SPATS1: variants seen among roughly 807,000 people sequenced by gnomAD.
SPATS1 encodes spermatogenesis associated serine rich 1, also known as spermatogenesis-associated serine-rich protein 1.
SPATS1 carries 23 observed loss-of-function variants against 33.6 expected under a neutral mutation model. That is an observed-to-expected ratio of 0.68 (90% confidence interval 0.49 to 0.97). SPATS1 has a LOEUF of 0.97. Ranked by LOEUF, SPATS1 falls within the 50% of genes least tolerant of loss-of-function variation. The probability of loss-of-function intolerance (pLI) is 0.00; values close to 1 mark genes in which losing one functional copy is unlikely to be tolerated. For synonymous variants in SPATS1, 131 were observed against 125.6 expected, an observed-to-expected ratio of 1.04 and a Z score of -0.29; for missense variants, 327 against 361.0, an observed-to-expected ratio of 0.91 and a Z score of 0.76.
chr6:44,342,796 C>CG, intron 1 of SPATS1, 28 bp downstream of exon 1: 1 of 634,598 alleles, frequency 1.6e-6, no homozygotes, highest in Non-Finnish European at 2.7e-6. Context: ...AGCACAGACC[C>CG]GGGCCTCCCC....
chr6:44,352,440 C>T (rs1316598671), intron 2 of SPATS1, among the ~76,000 whole-genome samples: 6 of 151,986 alleles, frequency 3.9e-5, no homozygotes, highest in East Asian at 3.9e-4. Flanking sequence ...GCCACCACGC[C>T]GGGCCTAGAT....
intron 3 of SPATS1, among the ~76,000 whole-genome samples, chr6:44,354,181 A>C (rs1788423863): frequency 6.6e-6 from 1 of 151,996 alleles, no homozygotes. Context: ...AAAAAATACA[A>C]AAATTAGCCG....
At chr6:44,373,754 G>T (rs962232711) in intron 7 of SPATS1, among the ~76,000 whole-genome samples, 14 of 152,318 alleles carry the variant, frequency 9.2e-5, no homozygotes, top group Admixed American at 2.0e-4. Flanking sequence ...AGGGAGGTAA[G>T]ATTACTTATT....
intron 7 of SPATS1, among the ~76,000 whole-genome samples, chr6:44,375,182 G>C (rs1184056256): frequency 6.6e-6 from 1 of 152,198 alleles, no homozygotes; most frequent in African/African-American, 2.4e-5. Flanking sequence ...AGCACACTCA[G>C]CTGGGATTCT....
At chr6:44,363,960 T>C (rs1561958628) in intron 5 of SPATS1, among the ~76,000 whole-genome samples, 1 of 152,202 alleles carries the variant, frequency 6.6e-6, no homozygotes, top group Non-Finnish European at 1.5e-5. Flanking sequence ...CCAACTCCAG[T>C]GGTAACCCAT....
intron 3 of SPATS1, 147 bp downstream of exon 3, chr6:44,353,020 G>A (rs574786424): frequency 2.3e-5 from 19 of 810,324 alleles, no homozygotes; most frequent in Non-Finnish European, 3.5e-5. Flanking sequence ...CTGCCACTTA[G>A]TATCTGTGTG....
chr6:44,343,608 C>T, intron 2 of SPATS1: 1 of 419,356 alleles, frequency 2.4e-6, no homozygotes, highest in Non-Finnish European at 4.7e-6. Flanking sequence ...GAGCCTGTGT[C>T]CTTTCATCTT....
At chr6:44,346,066 A>G (rs1787861353) in intron 2 of SPATS1, among the ~76,000 whole-genome samples, 3 of 152,098 alleles carry the variant, frequency 2.0e-5, no homozygotes, top group Admixed American at 2.0e-4. Context: ...GGATCACTTG[A>G]GCTCAGGAGT....
rs1245624348 is a variant in SPATS1 at position 44,361,705 on chromosome 6, G to A, written c.413-126G>A. The A allele has an allele frequency of 2.2e-6, 3 of 1,342,722 alleles. No homozygotes were observed. In the African/African-American group the frequency reaches 4.3e-5, roughly 19 times the overall value. 83.2% of individuals were successfully genotyped at this position (1,342,722 alleles called of 1,614,324 possible). A position where few individuals can be genotyped will look rare whatever the true frequency, so the allele number is the denominator to read the frequency against. ...CACTGTCTCTGATGTAGAACCAAGG[G>A]ATTATACACATTAATTAAAGTTATA... On this transcript the variant is annotated intron_variant, in intron 4 of 8. Coordinates refer to ENST00000674044, the MANE Select transcript of SPATS1 (RefSeq NM_001372081.1).
intron 5 of SPATS1, among the ~76,000 whole-genome samples, chr6:44,363,310 G>A (rs1583088677): frequency 6.6e-6 from 1 of 151,824 alleles, no homozygotes; most frequent in African/African-American, 2.4e-5. Flanking sequence ...ATGCCCGGCT[G>A]ATTTTTCTAT....
chr6:44,354,081 G>A (rs1788417820), intron 3 of SPATS1, among the ~76,000 whole-genome samples: 1 of 149,632 alleles, frequency 6.7e-6, no homozygotes. Context: ...GCTGGGCATG[G>A]TGGCTCACAC....
intron 2 of SPATS1, among the ~76,000 whole-genome samples, chr6:44,349,266 T>G (rs781248348): frequency 8.8e-6 from 1 of 114,240 alleles, no homozygotes; most frequent in Non-Finnish European, 1.6e-5. Flanking sequence ...GCCATTGCAC[T>G]CCAGCCTGGG....
chr6:44,354,334 A>AAAATAAATAAAT (rs747479012), intron 3 of SPATS1, among the ~76,000 whole-genome samples: 2 of 110,352 alleles, frequency 1.8e-5, no homozygotes, highest in East Asian at 2.6e-4. Flanking sequence ...AACTTGTGTC[A>AAAATAAATAAAT]AAATAAATAA....
At chr6:44,347,627 A>G (rs1025568823) in intron 2 of SPATS1, among the ~76,000 whole-genome samples, 3 of 152,132 alleles carry the variant, frequency 2.0e-5, no homozygotes, top group African/African-American at 7.2e-5. Context: ...TTTTACATTC[A>G]AATCTGTGAG....
chr6:44,365,311 G>A (rs1789177870), intron 5 of SPATS1, among the ~76,000 whole-genome samples: 1 of 152,220 alleles, frequency 6.6e-6, no homozygotes, highest in African/African-American at 2.4e-5. Flanking sequence ...GATTGTAGGT[G>A]GTAGGGAAAT....
At chr6:44,354,037 C>CAAAAAAAAAA (rs34531075) in intron 3 of SPATS1, among the ~76,000 whole-genome samples, 1 of 99,102 alleles carries the variant, frequency 1.0e-5, no homozygotes. Context: ...GACTTCGCCT[C>CAAAAAAAAAA]AAAAAAAAAA....
At chr6:44,346,723 T>C (rs1018885452) in intron 2 of SPATS1, among the ~76,000 whole-genome samples, 30 of 151,316 alleles carry the variant, frequency 2.0e-4, no homozygotes, top group African/African-American at 6.8e-4. Flanking sequence ...TCTTTTGCCC[T>C]TTTTTTTTCT....
At chr6:44,356,855 A>G (rs1788617629) in intron 3 of SPATS1, among the ~76,000 whole-genome samples, 1 of 152,202 alleles carries the variant, frequency 6.6e-6, no homozygotes, top group Non-Finnish European at 1.5e-5. Context: ...TCTAGCCTAT[A>G]CTCAAAGAGA....
intron 7 of SPATS1, among the ~76,000 whole-genome samples, chr6:44,374,713 G>C (rs181203733): frequency 6.6e-6 from 1 of 152,160 alleles, no homozygotes; most frequent in Admixed American, 6.5e-5. Flanking sequence ...GTGTTTGATT[G>C]TTTCAACAAA....
Sources: allele counts gnomAD v4.1 joint callset (sites outside exome capture counted in the v4.1 genomes callset), GRCh38; gene constraint gnomAD v4.1.1; transcripts MANE v1.5; gene names NCBI Gene and HGNC (gene_info 2026-07-23, HGNC 2026-07-21).